Variants in EGFL7 observed in about 807,000 individuals in gnomAD.
EGFL7 encodes epidermal growth factor-like protein 7.
A neutral mutation model predicts 37.1 loss-of-function variants in EGFL7; 48 were observed. The observed-to-expected ratio is 1.29, with a 90% CI of 1.03 to 1.65. EGFL7 has a LOEUF of 1.65. Ranked by LOEUF, EGFL7 falls within the 40% of genes most tolerant of loss-of-function variation. EGFL7 has a pLI of 0.00. For synonymous variants in EGFL7, 180 were observed against 156.8 expected (o/e 1.15, Z -1.10); for missense variants, 384 against 378.9 (o/e 1.01, Z -0.11).
upstream of EGFL7, among the ~76,000 whole-genome samples, chr9:136,661,773 G>T (rs370462534): frequency 6.6e-6 from 1 of 152,186 alleles, no homozygotes; most frequent in Non-Finnish European, 1.5e-5. Flanking sequence ...TTCCCCAGCT[G>T]CCCCAGCCTC....
In EGFL7 at chr9:136,672,346, T is replaced by C; in HGVS notation, c.*60T>C. 1 of 1,607,298 alleles carries C rather than the reference T, an allele frequency of 6.2e-7. No individual in the cohort carries two copies. Among genetic ancestry groups the C allele is most frequent in the Non-Finnish European group, 8.5e-7 (1 of 1,175,166 alleles). On this transcript the variant is annotated 3_prime_UTR_variant, in exon 11 of 11. Transcript: ENST00000308874. ...CGCCGCCCTGCAGCCCCCATGCCCC[T>C]GCCCAACATGCTGGGGGTCCAGAAA... is the stretch of plus-strand genomic sequence containing the variant.
chr9:136,670,840 G>A, intron 8 of EGFL7, 110 bp from the exon 9 acceptor site: 1 of 1,067,160 alleles, frequency 9.4e-7, no homozygotes, highest in Non-Finnish European at 1.4e-6. Flanking sequence ...GGGCGGCAGA[G>A]GCCTGGGCCT....
chr9:136,668,290 G>A lies in EGFL7; in HGVS notation c.8G>A (p.Gly3Asp), dbSNP rs892741127. 5.6e-6 allele frequency: 9 copies of A among 1,606,178 alleles called. No homozygotes were observed. The highest frequency in any genetic ancestry group is 1.1e-5 in the South Asian group (1 of 89,824). MR[G>D]SQEVLLMWLL... The stretch of plus-strand genomic sequence containing the variant: ...CGCCTGGAGGCACAGGCCATGAGGG[G>A]CTCTCAGGAGGTGCTGCTGATGTGG... Residue 3 changes from glycine (G) to aspartate (D), a missense_variant, in exon 4 of 11, where the codon GGC becomes GAC. Gly to Asp is a moderately conservative substitution (Grantham distance 94). Transcript: ENST00000308874.
chr9:136,668,499 C>T, intron 4 of EGFL7, 58 bp from the exon 5 acceptor site: 2 of 1,571,116 alleles, frequency 1.3e-6, no homozygotes, highest in Middle Eastern at 1.7e-4. Context: ...CACATGTTCC[C>T]ATCATTCTTG....
In EGFL7 at chr9:136,672,401, G is replaced by T; in HGVS notation, c.*115G>T. On this transcript the variant is annotated 3_prime_UTR_variant, in exon 11 of 11. Transcript: ENST00000308874. ...CTCGGGGTGACTGAGCGGAAGGCCA[G>T]GCAGGGCCTTCCTCCTCTTCCTCCT... 9.1e-6 allele frequency: 12 copies of T among 1,313,134 alleles called. No homozygotes were observed. Among genetic ancestry groups the T allele is most frequent in the South Asian group, 1.2e-5 (1 of 83,222 alleles). 81.3% of individuals were successfully genotyped at this position (1,313,134 alleles called of 1,614,324 possible). A position where few individuals can be genotyped will look rare whatever the true frequency, so the allele number is the denominator to read the frequency against.
At position 136,670,101 on chromosome 9, in the gene EGFL7, T is replaced by G. The variant is rs537024760; in HGVS notation, c.410-68T>G. 2.9e-5 allele frequency: 47 copies of G among 1,608,530 alleles called. No homozygotes were observed. The South Asian group carries it at 4.7e-4, about 16-fold the overall frequency. ...TACTGCTGGCCCATGAGTGGGTGGT[T>G]GTGAAGGGAGCTGTGTGGGCAGGAC... On this transcript the variant is annotated intron_variant, in intron 7 of 10. Transcript: ENST00000308874.
chr9:136,669,450 G>A (rs957510026), intron 5 of EGFL7, among the ~76,000 whole-genome samples, 156 bp from the exon 6 acceptor site: 3 of 152,208 alleles, frequency 2.0e-5, no homozygotes, highest in African/African-American at 4.8e-5. Context: ...GCAGGGAAAC[G>A]GCTGTGCAGT....
rs938004706 is a variant in EGFL7 at position 136,672,523 on chromosome 9, C to A, written c.*237C>A. On this transcript the variant is annotated 3_prime_UTR_variant, in exon 11 of 11. Coordinates refer to ENST00000308874, the MANE Select transcript of EGFL7 (RefSeq NM_016215.5). Reference sequence around the variant, plus strand: ...GCTACCCCCACCCTGGCTACCCCAACGGCATCCCAAGGCCAGGTGGGCCCT... The same window carrying A: ...GCTACCCCCACCCTGGCTACCCCAAAGGCATCCCAAGGCCAGGTGGGCCCT... 4 of 605,912 alleles carry A rather than the reference C, an allele frequency of 6.6e-6. No homozygotes were observed. Among genetic ancestry groups the A allele is most frequent in the Admixed American group, 2.9e-5 (1 of 34,126 alleles). 37.5% of individuals were successfully genotyped at this position (605,912 alleles called of 1,614,324 possible).
At chr9:136,662,590 G>T (rs904257258), upstream of EGFL7, among the ~76,000 whole-genome samples, 1 of 152,152 alleles carries the variant, frequency 6.6e-6, no homozygotes, top group Non-Finnish European at 1.5e-5. Context: ...ACGTGAGCAT[G>T]GCCTGTGAAC....
chr9:136,660,859 A>T (rs1308459645), upstream of EGFL7, among the ~76,000 whole-genome samples: 1 of 152,164 alleles, frequency 6.6e-6, no homozygotes, highest in Non-Finnish European at 1.5e-5. Flanking sequence ...TCCGGCCTCC[A>T]GGCTCACCTG....
At chr9:136,665,765 G>A (rs1247919056) in intron 3 of EGFL7, 1 of 146,378 alleles carries the variant, frequency 6.8e-6, no homozygotes, top group Non-Finnish European at 1.5e-5. Flanking sequence ...GGGCCCCCAC[G>A]GCGCGGGCTC....
upstream of EGFL7, among the ~76,000 whole-genome samples, chr9:136,661,266 T>G (rs999501559): frequency 8.5e-5 from 13 of 152,076 alleles, no homozygotes; most frequent in Non-Finnish European, 1.9e-4. Flanking sequence ...CCCGGCCTGC[T>G]GCCAACTTGT....
At chr9:136,661,334 GCC>G (rs922974098), upstream of EGFL7, among the ~76,000 whole-genome samples, 2 of 152,176 alleles carry the variant, frequency 1.3e-5, no homozygotes, top group Non-Finnish European at 2.9e-5. Flanking sequence ...GGCAGGATGA[GCC>G]CCTGGGTGGG....
chr9:136,667,953 C>T (rs899465358), intron 3 of EGFL7, among the ~76,000 whole-genome samples: 5 of 152,312 alleles, frequency 3.3e-5, no homozygotes, highest in South Asian at 4.1e-4. Flanking sequence ...CCCGGAGCCT[C>T]GGGCAGATGC....
upstream of EGFL7, among the ~76,000 whole-genome samples, chr9:136,662,289 A>G (rs1375312136): frequency 6.6e-6 from 1 of 152,066 alleles, no homozygotes; most frequent in East Asian, 1.9e-4. Flanking sequence ...TAGGGGAGAG[A>G]GCTTGGACTC....
rs1022581548 is a variant in EGFL7, at chr9:136,670,281, A to C, written c.522A>C (p.Thr174=). The change falls in exon 8 of 11, where the codon ACA becomes ACC. Residue 174 remains threonine (T), a synonymous_variant. Transcript: ENST00000308874. ...WEGHSLSADG[T]LCVPKGGPPR... is the part of the protein sequence containing the mutation. ...GGCACAGCCTGTCTGCAGACGGTAC[A>C]CTCTGTGTGCCCAAGGGAGGGCCCC... 3 of 1,609,208 alleles carry C rather than the reference A, an allele frequency of 1.9e-6. No individual in the cohort carries two copies. The highest frequency in any genetic ancestry group is 2.7e-5 in the African/African-American group (2 of 74,808).
In EGFL7 at chr9:136,672,285, G is replaced by A; in HGVS notation, c.821G>A (p.Ter274=). ...CTAGGCTCCTGCAAGAAAGACTCGT[G>A]ACTGCCCAGCGCCCCAGGCTGGACT... ...LGSCSCKKDS[*] Residue 274 remains the stop codon, a stop_retained_variant, in exon 11 of 11, where the codon TGA becomes TAA. Transcript: ENST00000308874. The A allele has an allele frequency of 6.2e-7, 1 of 1,613,318 alleles. No homozygotes were observed. Among genetic ancestry groups the A allele is most frequent in the Non-Finnish European group, 8.5e-7 (1 of 1,179,946 alleles).
intron 1 of EGFL7, 142 bp downstream of exon 1, chr9:136,663,250 TC>T: frequency 6.6e-6 from 1 of 152,264 alleles, no homozygotes; most frequent in East Asian, 1.9e-4. Flanking sequence ...CCCAGTCTCC[TC>T]CCCTTCTGCA....
intron 5 of EGFL7, 79 bp downstream of exon 5, chr9:136,668,752 G>A (rs1309608699): frequency 1.8e-5 from 22 of 1,246,886 alleles, no homozygotes; most frequent in East Asian, 4.6e-5. Context: ...GGGGCGAGGC[G>A]GGGGTGAATC....
Sources: gnomAD v4.1 joint callset for allele counts (sites outside exome capture counted in the v4.1 genomes callset) on GRCh38, gnomAD v4.1.1 for gene constraint, MANE v1.5 for transcripts, NCBI Gene and HGNC (gene_info 2026-07-23, HGNC 2026-07-21) for gene names.